The following XPO1 variants were observed in gnomAD, a reference collection of about 807,000 sequenced individuals.
The protein encoded by XPO1 is exportin-1.
Under a neutral mutation model 133.3 loss-of-function variants are expected in XPO1, and 5 were observed. That is an observed-to-expected ratio of 0.04 (90% CI 0.02 to 0.08). The LOEUF is 0.08. Among genes scored for constraint, XPO1 ranks in the 10% least tolerant of loss-of-function variants. The pLI, the probability that XPO1 is intolerant of heterozygous loss-of-function variation, is 1.00. For missense variants in XPO1, 506 were observed against 1,267.5 expected (o/e 0.40, Z 9.12); for synonymous variants, 419 against 408.2 (o/e 1.03, Z -0.32).
intron 10 of XPO1, 32 bp from the exon 11 acceptor site, chr2:61,495,645 A>G (rs1697207968): frequency 1.3e-6 from 2 of 1,524,400 alleles, no homozygotes; most frequent in Non-Finnish European, 8.8e-7. Flanking sequence ...ATCAGTTCGC[A>G]TTTTATAAAA....
chr2:61,528,675 C>T (rs549459683), intron 2 of XPO1, among the ~76,000 whole-genome samples: 1 of 145,866 alleles, frequency 6.9e-6, no homozygotes, highest in East Asian at 2.0e-4. Flanking sequence ...AAAATCTTTC[C>T]TGCAATTAGT....
chr2:61,495,679 A>T (rs998225158), intron 10 of XPO1, 66 bp from the exon 11 acceptor site: 1 of 1,410,954 alleles, frequency 7.1e-7, no homozygotes, highest in African/African-American at 1.5e-5. Flanking sequence ...TTAATATTTT[A>T]TTATTATTTT....
At chr2:61,508,312 C>T (rs185657882) in intron 4 of XPO1, among the ~76,000 whole-genome samples, 5 of 152,170 alleles carry the variant, frequency 3.3e-5, no homozygotes, top group Admixed American at 1.3e-4. Context: ...AATACACACC[C>T]GTAGAAATGC....
chr2:61,491,986 A>G (rs762996148), intron 16 of XPO1, 49 bp downstream of exon 16: 1 of 1,597,240 alleles, frequency 6.3e-7, no homozygotes, highest in Admixed American at 1.7e-5. Flanking sequence ...ATACAGATTG[A>G]TACAAGTGTT....
chr2:61,520,837 T>C (rs1490607244), intron 4 of XPO1, among the ~76,000 whole-genome samples: 1 of 152,114 alleles, frequency 6.6e-6, no homozygotes, highest in Non-Finnish European at 1.5e-5. Flanking sequence ...TATACAACAG[T>C]AAAATGGGAC....
At chr2:61,496,350 T>C (rs1697241426) in intron 10 of XPO1, among the ~76,000 whole-genome samples, 1 of 152,136 alleles carries the variant, frequency 6.6e-6, no homozygotes, top group South Asian at 2.1e-4. Context: ...TAGCTGGAAC[T>C]ACAGGTGTGC....
At chr2:61,504,982 T>A (rs540787891) in intron 4 of XPO1, among the ~76,000 whole-genome samples, 12 of 152,326 alleles carry the variant, frequency 7.9e-5, no homozygotes, top group Middle Eastern at 3.4e-3. Flanking sequence ...TACAAATACA[T>A]AAAATGAATA....
intron 6 of XPO1, among the ~76,000 whole-genome samples, chr2:61,501,053 T>C (rs1362116709): frequency 1.3e-5 from 2 of 152,164 alleles, no homozygotes; most frequent in Admixed American, 6.5e-5. Context: ...AAGGGATTTT[T>C]CAGATTATAA....
intron 3 of XPO1, chr2:61,526,089 C>A (rs1315743708): frequency 3.5e-6 from 4 of 1,126,772 alleles, no homozygotes; most frequent in Non-Finnish European, 4.3e-6. Context: ...TGATTACTTG[C>A]CCAAAATAAT....
intron 20 of XPO1, 57 bp from the exon 21 acceptor site, chr2:61,484,162 G>C (rs1287283246): frequency 1.4e-6 from 2 of 1,475,160 alleles, no homozygotes; most frequent in East Asian, 4.6e-5. Context: ...GTGCTAGACA[G>C]GAGGGGAAAA....
intron 17 of XPO1, 26 bp downstream of exon 17, chr2:61,490,616 T>G: frequency 6.2e-7 from 1 of 1,613,586 alleles, no homozygotes; most frequent in Non-Finnish European, 8.5e-7. Flanking sequence ...CCATGAAAAC[T>G]TTTAAGAAAA....
upstream of XPO1, chr2:61,538,481 T>C (rs2104885557): frequency 6.5e-6 from 1 of 153,082 alleles, no homozygotes; most frequent in Non-Finnish European, 1.5e-5. Context: ...GCCCGCCGCT[T>C]CGGCCCCTAC....
intron 1 of XPO1, chr2:61,536,802 G>C (rs960579182): frequency 6.6e-6 from 1 of 152,296 alleles, no homozygotes. Context: ...ATCAGAGGAG[G>C]TCCGGGCTGA....
intron 4 of XPO1, among the ~76,000 whole-genome samples, chr2:61,503,684 A>T (rs1429916994): frequency 6.6e-6 from 1 of 152,108 alleles, no homozygotes; most frequent in Non-Finnish European, 1.5e-5. Context: ...TCGGCCTCCC[A>T]AAGTGCTGGG....
chr2:61,508,717 G>A (rs1205769696), intron 4 of XPO1, among the ~76,000 whole-genome samples: 1 of 152,076 alleles, frequency 6.6e-6, no homozygotes, highest in Non-Finnish European at 1.5e-5. Flanking sequence ...TTAAAATATT[G>A]AGAACAAATT....
Position 61,522,702 on chromosome 2 carries a change from A to G in XPO1, c.229-19T>C, listed in dbSNP as rs201554476. On this transcript the variant is annotated intron_variant, in intron 3 of 24. Coordinates refer to ENST00000401558, the MANE Select transcript of XPO1 (RefSeq NM_003400.4). ...CATAGTACTGAAAATTGGAGAATAGAAGCATGTGAATATATTGCTTATAGG... is the reference window on the plus strand; with the variant it reads ...CATAGTACTGAAAATTGGAGAATAGGAGCATGTGAATATATTGCTTATAGG... 1.3e-4 allele frequency: 208 copies of G among 1,578,932 alleles called. No individual in the cohort carries two copies. In the East Asian group the frequency reaches 2.9e-3, roughly 22 times the overall value.
chr2:61,481,796 G>A (rs971382123), intron 23 of XPO1, among the ~76,000 whole-genome samples: 1 of 151,254 alleles, frequency 6.6e-6, no homozygotes, highest in African/African-American at 2.4e-5. Context: ...GAGTGCAGTG[G>A]CACAATCTCG....
At chr2:61,505,566 G>A (rs1268032325) in intron 4 of XPO1, among the ~76,000 whole-genome samples, 1 of 151,324 alleles carries the variant, frequency 6.6e-6, no homozygotes, top group East Asian at 1.9e-4. Flanking sequence ...TACTTTTTTT[G>A]TATTTTTTTT....
At chr2:61,519,390 A>G (rs1420482252) in intron 4 of XPO1, among the ~76,000 whole-genome samples, 1 of 152,102 alleles carries the variant, frequency 6.6e-6, no homozygotes, top group African/African-American at 2.4e-5. Context: ...CCTAAATTGA[A>G]AATGTCATTA....
Sources: allele counts gnomAD v4.1 joint callset (sites outside exome capture counted in the v4.1 genomes callset), GRCh38; gene constraint gnomAD v4.1.1; transcripts MANE v1.5; gene names NCBI Gene and HGNC (gene_info 2026-07-23, HGNC 2026-07-21).